NKAIN3: variants seen among roughly 807,000 people sequenced by gnomAD.
NKAIN3 encodes the protein sodium/potassium transporting ATPase interacting 3.
In NKAIN3, 25 loss-of-function variants were observed where a neutral mutation model predicts 30.2. That is an observed-to-expected ratio of 0.83 (90% CI 0.60 to 1.16). The LOEUF (loss-of-function observed/expected upper bound fraction) is 1.16. Ranked by LOEUF, NKAIN3 falls within the 50% of genes most tolerant of loss-of-function variation. NKAIN3 has a pLI of 0.00. For missense variants in NKAIN3, 225 were observed against 254.1 expected (o/e 0.89, Z 0.78); for synonymous variants, 91 against 89.6 (o/e 1.02, Z -0.09).
chr8:62,637,902 A>G (rs1429343558), intron 3 of NKAIN3, among the ~76,000 whole-genome samples: 1 of 152,160 alleles, frequency 6.6e-6, no homozygotes, highest in Non-Finnish European at 1.5e-5. Context: ...CCTATAACAC[A>G]TTATAAACAC....
Position 62,598,581 on chromosome 8 carries a change from C to T in NKAIN3, c.273+8787C>T, listed in dbSNP as rs556090103. Among the ~76,000 whole-genome samples, 13 of 152,130 alleles carry T rather than the reference C, an allele frequency of 8.5e-5. No individual in the cohort carries two copies. In the East Asian group the frequency reaches 1.9e-3, roughly 23 times the overall value. ...AGGAAGTTCTTAACCACGTTTCCACCCTGCTACATAGGGGCAGTGCAGATG... is the reference window on the plus strand; with the variant it reads ...AGGAAGTTCTTAACCACGTTTCCACTCTGCTACATAGGGGCAGTGCAGATG... On this transcript the variant is annotated intron_variant, in intron 3 of 6. Coordinates refer to ENST00000623646, the MANE Select transcript of NKAIN3 (RefSeq NM_001304533.3).
intron 3 of NKAIN3, among the ~76,000 whole-genome samples, chr8:62,617,236 C>T (rs569440954): frequency 6.6e-6 from 1 of 152,226 alleles, no homozygotes; most frequent in Middle Eastern, 3.4e-3. Flanking sequence ...TATAGCAATG[C>T]AAGAATGGCC....
chr8:62,830,826 C>A (rs1156881117), intron 4 of NKAIN3, among the ~76,000 whole-genome samples: 1 of 152,170 alleles, frequency 6.6e-6, no homozygotes, highest in Non-Finnish European at 1.5e-5. Flanking sequence ...CCTAGACACA[C>A]GTCTCAGTGC....
chr8:62,487,021 C>A (rs1349432176), intron 1 of NKAIN3, among the ~76,000 whole-genome samples: 1 of 152,212 alleles, frequency 6.6e-6, no homozygotes, highest in Non-Finnish European at 1.5e-5. Context: ...GACACCATTA[C>A]CTTCTCTTTC....
chr8:62,791,516 T>C (rs1202019144), intron 4 of NKAIN3, among the ~76,000 whole-genome samples: 4 of 152,158 alleles, frequency 2.6e-5, no homozygotes, highest in Non-Finnish European at 5.9e-5. Context: ...TATTATTAAA[T>C]ATTGTTGAAT....
rs1818746839 is a variant in NKAIN3, at chr8:62,818,292, T to C, written c.471+71163T>C. On this transcript the variant is annotated intron_variant, in intron 4 of 6. Transcript: ENST00000623646. The stretch of plus-strand genomic sequence containing the variant: ...TCAATGTACTATGTTTGCAACTTTC[T>C]GTGAGATCGTAATTATTTCAAAAGA... 3.3e-5 allele frequency among the ~76,000 whole-genome samples: 5 copies of C among 152,298 alleles called. No individual in the cohort carries two copies. In the South Asian group the frequency reaches 1.0e-3, roughly 32 times the overall value.
chr8:62,804,553 A>G (rs1202088045), intron 4 of NKAIN3, among the ~76,000 whole-genome samples: 1 of 152,188 alleles, frequency 6.6e-6, no homozygotes, highest in East Asian at 1.9e-4. Context: ...CAAAAACCAC[A>G]CGATTATCTC....
intron 4 of NKAIN3, among the ~76,000 whole-genome samples, chr8:62,888,678 A>G (rs1233824648): frequency 6.6e-6 from 1 of 152,184 alleles, no homozygotes; most frequent in African/African-American, 2.4e-5. Context: ...CCAGAAATGT[A>G]ACCTTTAAAA....
intron 3 of NKAIN3, among the ~76,000 whole-genome samples, chr8:62,599,378 TCTC>T (rs1235005987): frequency 6.6e-6 from 1 of 151,990 alleles, no homozygotes. Context: ...ACTTGGGTAA[TCTC>T]CTGAAGCCTC....
At chr8:62,538,161 A>C (rs1460645408) in intron 1 of NKAIN3, among the ~76,000 whole-genome samples, 1 of 151,992 alleles carries the variant, frequency 6.6e-6, no homozygotes, top group African/African-American at 2.4e-5. Flanking sequence ...TCTTATGATG[A>C]GGTAGCTTGT....
At chr8:62,311,565 G>A (rs1320558317) in intron 1 of NKAIN3, among the ~76,000 whole-genome samples, 1 of 150,550 alleles carries the variant, frequency 6.6e-6, no homozygotes, top group East Asian at 1.9e-4. Context: ...GGTCAAGTAG[G>A]ACAGAGCCCT....
At chr8:62,732,214 T>A (rs1001358773) in intron 3 of NKAIN3, among the ~76,000 whole-genome samples, 3 of 152,140 alleles carry the variant, frequency 2.0e-5, no homozygotes, top group African/African-American at 7.2e-5. Context: ...TCATTAATTA[T>A]ATTTTTCTCC....
chr8:62,524,176 T>C (rs978609891), intron 1 of NKAIN3, among the ~76,000 whole-genome samples: 2 of 151,302 alleles, frequency 1.3e-5, no homozygotes, highest in African/African-American at 4.9e-5. Flanking sequence ...CAAGGAAAGA[T>C]GGAAAAAAGA....
chr8:62,570,084 A>G (rs1372815398), intron 1 of NKAIN3, among the ~76,000 whole-genome samples: 1 of 152,226 alleles, frequency 6.6e-6, no homozygotes, highest in African/African-American at 2.4e-5. Context: ...TGTAGTGAAC[A>G]GTGGAAAAAT....
chr8:62,411,617 C>G (rs1478987086), intron 1 of NKAIN3, among the ~76,000 whole-genome samples: 4 of 152,192 alleles, frequency 2.6e-5, no homozygotes, highest in Non-Finnish European at 5.9e-5. Flanking sequence ...GTCAAACTAT[C>G]TCTCTTCCCT....
chr8:62,749,990 G>A (rs1042799197), intron 4 of NKAIN3, among the ~76,000 whole-genome samples: 3 of 151,880 alleles, frequency 2.0e-5, no homozygotes, highest in African/African-American at 7.3e-5. Context: ...CCAGAATTGT[G>A]CTTCTTAAAC....
chr8:62,776,538 A>G lies in NKAIN3; in HGVS notation c.471+29409A>G, dbSNP rs141826362. Among the ~76,000 whole-genome samples, 112 of 152,306 alleles carry G rather than the reference A, an allele frequency of 7.4e-4. 1 individual carries two copies. The East Asian group carries it at 0.019, about 26-fold the overall frequency. On this transcript the variant is annotated intron_variant, in intron 4 of 6. Transcript: ENST00000623646. The stretch of plus-strand genomic sequence containing the variant: ...CTGATGGCCACTTAATACTGATTGC[A>G]TTAAAGAAAACCAAATAAACTAACA...
chr8:62,844,936 G>GC (rs886584715), intron 4 of NKAIN3, among the ~76,000 whole-genome samples: 4 of 151,878 alleles, frequency 2.6e-5, no homozygotes, highest in African/African-American at 9.7e-5. Context: ...CTACGAAGGG[G>GC]CCCCTAGTGC....
At chr8:62,440,752 A>T (rs1805300179) in intron 1 of NKAIN3, among the ~76,000 whole-genome samples, 1 of 151,574 alleles carries the variant, frequency 6.6e-6, no homozygotes. Context: ...TACAGATGTC[A>T]ATGAAAGACC....
Sources: gnomAD v4.1 joint callset for allele counts (sites outside exome capture counted in the v4.1 genomes callset) on GRCh38, gnomAD v4.1.1 for gene constraint, MANE v1.5 for transcripts, NCBI Gene and HGNC (gene_info 2026-07-23, HGNC 2026-07-21) for gene names.